The following USP8 variants were observed in gnomAD, a reference collection of about 807,000 sequenced individuals.
The protein encoded by USP8 is ubiquitin carboxyl-terminal hydrolase 8.
A neutral mutation model predicts 130.0 loss-of-function variants in USP8; 27 were observed. The ratio of observed to expected loss-of-function variants is 0.21; its 90% CI spans 0.15 to 0.29. USP8 has a LOEUF of 0.29. Ranked by LOEUF, USP8 falls within the 10% of genes least tolerant of loss-of-function variation. The pLI is 1.00. For synonymous variants in USP8, 392 were observed against 444.1 expected (o/e 0.88, Z 1.48); for missense variants, 1,029 against 1,312.2 (o/e 0.78, Z 3.33).
In USP8 at chr15:50,484,333, A is replaced by G. The variant is rs2051877900; in HGVS notation, c.1862A>G (p.Glu621Gly). ...ATTCTAAGGACAGGAACTTTTAGAG[A>G]GGATACAGACGATACCGAAAGAAAT... The part of the protein sequence containing the change: ...SGILRTGTFR[E>G]DTDDTERNKA... The change falls in exon 12 of 20, where the codon GAG (glutamate) becomes GGG (glycine). Residue 621 changes from glutamate (E) to glycine (G), a missense_variant. Transcript: ENST00000307179. 1 of 1,612,398 alleles carries G rather than the reference A, an allele frequency of 6.2e-7. No homozygotes were observed. Among genetic ancestry groups the G allele is most frequent in the South Asian group, 1.1e-5 (1 of 90,800 alleles).
At chr15:50,481,335 CT>C in intron 10 of USP8, 145 bp from the exon 11 acceptor site, 1 of 541,640 alleles carries the variant, frequency 1.8e-6, no homozygotes, top group Non-Finnish European at 3.0e-6. Flanking sequence ...TATGAGAAAT[CT>C]TGACACTGAG....
intron 8 of USP8, 86 bp from the exon 9 acceptor site, chr15:50,476,763 G>T: frequency 7.2e-7 from 1 of 1,398,360 alleles, no homozygotes; most frequent in Non-Finnish European, 9.4e-7. Flanking sequence ...TGTCCTTAAG[G>T]GAACAACTTT....
At chr15:50,495,782 T>G in intron 16 of USP8, 66 bp from the exon 17 acceptor site, 1 of 1,305,712 alleles carries the variant, frequency 7.7e-7, no homozygotes. Context: ...GTATTCACTT[T>G]TATTCTTTCA....
chr15:50,430,032 ATATCACAGCATT>A (rs2049880691), intron 1 of USP8, among the ~76,000 whole-genome samples: 1 of 152,228 alleles, frequency 6.6e-6, no homozygotes, highest in Non-Finnish European at 1.5e-5. Flanking sequence ...CTAAGTGCCT[ATATCACAGCATT>A]AAGCCACACT....
At chr15:50,454,260 G>C (rs929528846) in intron 4 of USP8, among the ~76,000 whole-genome samples, 1 of 152,068 alleles carries the variant, frequency 6.6e-6, no homozygotes, top group Non-Finnish European at 1.5e-5. Context: ...CTATTCCACT[G>C]TCTTCTGGCC....
At chr15:50,426,677 C>T (rs367921197) in intron 1 of USP8, among the ~76,000 whole-genome samples, 2 of 152,124 alleles carry the variant, frequency 1.3e-5, no homozygotes, top group Admixed American at 6.6e-5. Context: ...GGCTAGGTTC[C>T]GAGAATACAT....
At position 50,507,578 on chromosome 15, in the gene USP8, T is replaced by C. The variant is rs1427467113; in HGVS notation, c.*8490T>C. On this transcript the variant is annotated 3_prime_UTR_variant, in exon 20 of 20. Coordinates refer to ENST00000307179, the MANE Select transcript of USP8 (RefSeq NM_005154.5). ...CCCAAATTGTATAATTTGAAACTGC[T>C]ACCTACCTAACAAAACAGACTTGTT... 2.0e-5 allele frequency: 3 copies of C among 152,156 alleles called. No homozygotes were observed. Among genetic ancestry groups the C allele is most frequent in the Admixed American group, 6.5e-5 (1 of 15,270 alleles). The allele number at this position is 152,156 out of a possible 1,614,324, so 9.4% of individuals were successfully genotyped here.
chr15:50,509,925 A>T lies in USP8; in HGVS notation c.*10837A>T, dbSNP rs2052715999. 6.6e-6 allele frequency: 1 copy of T among 152,148 alleles called. No individual in the cohort carries two copies. The highest frequency in any genetic ancestry group is 1.5e-5 in the Non-Finnish European group (1 of 68,032). The allele number at this position is 152,148 out of a possible 1,614,324, so 9.4% of individuals were successfully genotyped here. ...AAATACTACTGAAAAATAAGAATAA[A>T]GTTGTGATGGTAATGACTTAGGGAA... On this transcript the variant is annotated 3_prime_UTR_variant, in exon 20 of 20. Transcript: ENST00000307179.
intron 12 of USP8, among the ~76,000 whole-genome samples, chr15:50,485,925 ATGTTATCC>A (rs1163204827): frequency 6.6e-6 from 1 of 152,168 alleles, no homozygotes; most frequent in East Asian, 1.9e-4. Context: ...ATGAAAGTAG[ATGTTATCC>A]TGTATTGTTT....
At chr15:50,433,567 A>G (rs1424034238) in intron 1 of USP8, among the ~76,000 whole-genome samples, 1 of 152,150 alleles carries the variant, frequency 6.6e-6, no homozygotes, top group African/African-American at 2.4e-5. Flanking sequence ...TCTTTGTCTT[A>G]GAAAGGAGCA....
At chr15:50,426,856 T>C (rs2049744971) in intron 1 of USP8, 1 of 152,216 alleles carries the variant, frequency 6.6e-6, no homozygotes, top group Non-Finnish European at 1.5e-5. Context: ...CTTTGCCTAC[T>C]ATAATTTTGA....
At chr15:50,480,095 C>G (rs747716499) in intron 10 of USP8, among the ~76,000 whole-genome samples, 1 of 152,146 alleles carries the variant, frequency 6.6e-6, no homozygotes, top group East Asian at 1.9e-4. Flanking sequence ...AACATAAATT[C>G]GTTTTGTAAG....
In USP8 at chr15:50,502,939, T is replaced by G. The variant is rs2052611918; in HGVS notation, c.*3851T>G. ...TGTTTTGTATAGCTGTTATCAAATA[T>G]CTCATGTATTGAGGGCTAGTACACA... On this transcript the variant is annotated 3_prime_UTR_variant, in exon 20 of 20. Coordinates refer to ENST00000307179, the MANE Select transcript of USP8 (RefSeq NM_005154.5). 2.0e-5 allele frequency: 3 copies of G among 152,246 alleles called. No individual in the cohort carries two copies. Among genetic ancestry groups the G allele is most frequent in the Admixed American group, 1.3e-4 (2 of 15,284 alleles). 9.4% of individuals were successfully genotyped at this position (152,246 alleles called of 1,614,324 possible). A position where few individuals can be genotyped will look rare whatever the true frequency, so the allele number is the denominator to read the frequency against.
intron 8 of USP8, among the ~76,000 whole-genome samples, chr15:50,473,899 A>G (rs945431554): frequency 8.6e-5 from 13 of 151,514 alleles, no homozygotes; most frequent in Non-Finnish European, 1.5e-4. Flanking sequence ...CAGTGGTGCA[A>G]TCTTGGCCCA....
Position 50,477,482 on chromosome 15 carries a change from A to T in USP8, c.1201A>T (p.Ile401Leu). ...ACCCATAATTCAGCCAGTGCCTAGTATAAAGAATGTTCCACAGGTATGTTC... is the reference window on the plus strand; with the variant it reads ...ACCCATAATTCAGCCAGTGCCTAGTTTAAAGAATGTTCCACAGGTATGTTC... ...VSPIIQPVPS[I>L]KNVPQIDRTK... The change falls in exon 10 of 20, where the codon ATA (isoleucine) becomes TTA (leucine). Residue 401 changes from isoleucine to leucine, a missense_variant. Around this residue, in one of 4 missense-constraint regions of USP8, gnomAD observed 486 missense variants for 522.0 expected, o/e 0.93. Coordinates refer to ENST00000307179, the MANE Select transcript of USP8 (RefSeq NM_005154.5). 6.2e-7 allele frequency: 1 copy of T among 1,613,010 alleles called. No individual in the cohort carries two copies. Among genetic ancestry groups the T allele is most frequent in the Non-Finnish European group, 8.5e-7 (1 of 1,179,646 alleles).
At chr15:50,472,964 C>G (rs994757208) in intron 8 of USP8, among the ~76,000 whole-genome samples, 1 of 152,146 alleles carries the variant, frequency 6.6e-6, no homozygotes, top group Non-Finnish European at 1.5e-5. Context: ...ATATTTACAA[C>G]ACATATGGCA....
intron 4 of USP8, among the ~76,000 whole-genome samples, chr15:50,449,743 G>A (rs151229483): frequency 0.14 from 20,703 of 151,164 alleles, 1,914 homozygotes; most frequent in Admixed American, 0.27. Flanking sequence ...CACCACGCCC[G>A]GCTAATTTTT....
intron 5 of USP8, among the ~76,000 whole-genome samples, chr15:50,459,739 G>A (rs1183568251): frequency 1.3e-5 from 2 of 152,082 alleles, no homozygotes; most frequent in African/African-American, 2.4e-5. Flanking sequence ...TTTGAGCTGA[G>A]CTGTGATTTA....
At chr15:50,486,836 AAAG>A (rs2051977912) in intron 12 of USP8, among the ~76,000 whole-genome samples, 2 of 152,166 alleles carry the variant, frequency 1.3e-5, no homozygotes, top group African/African-American at 2.4e-5. Flanking sequence ...AATCACCACT[AAAG>A]AACTTACTAA....
Sources: allele counts gnomAD v4.1 joint callset (sites outside exome capture counted in the v4.1 genomes callset), GRCh38; gene constraint gnomAD v4.1.1; regional missense constraint gnomAD v4.1.1; transcripts MANE v1.5; gene names NCBI Gene and HGNC (gene_info 2026-07-23, HGNC 2026-07-21).